EPC1: variants seen among roughly 807,000 people sequenced by gnomAD.
EPC1 encodes the protein enhancer of polycomb homolog 1.
Under a neutral mutation model 98.4 loss-of-function variants are expected in EPC1, and 12 were observed. The observed-to-expected ratio is 0.12, with a 90% confidence interval of 0.08 to 0.20. EPC1 has a LOEUF of 0.20. Among genes scored for constraint, EPC1 ranks in the 10% least tolerant of loss-of-function variants. The probability of loss-of-function intolerance (pLI) is 1.00; values close to 1 mark genes in which losing one functional copy is unlikely to be tolerated. For synonymous variants in EPC1, 357 were observed against 363.9 expected (o/e 0.98, Z 0.21); for missense variants, 729 against 990.5 (o/e 0.74, Z 3.54).
chr10:32,347,741 C>G (rs1008948390), upstream of EPC1, among the ~76,000 whole-genome samples: 1 of 152,232 alleles, frequency 6.6e-6, no homozygotes, highest in Non-Finnish European at 1.5e-5. Flanking sequence ...AAAATACAAA[C>G]TGAATTAGGG....
rs767369053 is a variant in EPC1 at position 32,287,255 on chromosome 10, A to G, written c.995T>C (p.Ile332Thr). The G allele has an allele frequency of 2.5e-6, 4 of 1,613,966 alleles. No homozygotes were observed. Among genetic ancestry groups the G allele is most frequent in the African/African-American group, 1.3e-5 (1 of 74,908 alleles). ...CTTTTCATATTTCCGTTTCGGTCGG[A>G]TAAGATCGGCTTTATCTTGCTGCAA... ...KVNKQDKADL[I>T]RPKRKYEKKP... Residue 332 changes from isoleucine to threonine, a missense_variant, in exon 7 of 14, where the codon ATC (isoleucine) becomes ACC (threonine). Physicochemically the swap from Ile to Thr is moderately conservative, Grantham distance 89 (BLOSUM62 -1). This residue lies in a region of EPC1 where 390 missense variants were observed against 438.6 expected (regional missense o/e 0.89). Coordinates refer to ENST00000319778, the MANE Select transcript of EPC1 (RefSeq NM_001272004.3).
intron 2 of EPC1, among the ~76,000 whole-genome samples, chr10:32,304,660 C>T (rs1285681525): frequency 1.3e-5 from 2 of 152,106 alleles, no homozygotes; most frequent in Admixed American, 6.5e-5. Flanking sequence ...TGGCTCATGC[C>T]TGTAATCCCA....
chr10:32,343,699 G>GGT (rs1554824226), intron 1 of EPC1, among the ~76,000 whole-genome samples: 1 of 150,832 alleles, frequency 6.6e-6, no homozygotes. Flanking sequence ...TATTTTGGGG[G>GGT]GGGGGTGTAA....
In EPC1 at chr10:32,323,138, TA is replaced by T. The variant is rs1837035317; in HGVS notation, c.154-17208del. 3.3e-5 allele frequency among the ~76,000 whole-genome samples: 5 copies of T among 152,298 alleles called. No homozygotes were observed. In the South Asian group the frequency reaches 1.0e-3, roughly 32 times the overall value. ...TACTATTATGTATCCATAATTTTTTTAAAAAGAGAAGTATATACAATGTACT... is the reference window on the plus strand; with the variant it reads ...TACTATTATGTATCCATAATTTTTTTAAAAGAGAAGTATATACAATGTACT... On this transcript the variant is annotated intron_variant, in intron 1 of 13. Coordinates refer to ENST00000319778, the MANE Select transcript of EPC1 (RefSeq NM_001272004.3).
chr10:32,293,066 T>C lies in EPC1; in HGVS notation c.588A>G (p.Gln196=), dbSNP rs757634561. ...TTGTGCTGGAACCATCTCGCTTCTC[T>C]TGTTTTACTGATGGAATAAGAGATG... is the stretch of plus-strand genomic sequence containing the variant. ...RGPSLIPSVK[Q]EKRDGSSTND... The change falls in exon 4 of 14, where the codon CAA becomes CAG. Residue 196 remains glutamine, a synonymous_variant. Coordinates refer to ENST00000319778, the MANE Select transcript of EPC1 (RefSeq NM_001272004.3). 6.2e-7 allele frequency: 1 copy of C among 1,613,550 alleles called. No homozygotes were observed. Among genetic ancestry groups the C allele is most frequent in the Non-Finnish European group, 8.5e-7 (1 of 1,179,680 alleles).
chr10:32,313,455 T>C (rs1413936995), intron 1 of EPC1, among the ~76,000 whole-genome samples: 2 of 152,172 alleles, frequency 1.3e-5, no homozygotes, highest in Non-Finnish European at 2.9e-5. Flanking sequence ...TACAGTGTAA[T>C]AAAGTACTAT....
At chr10:32,299,051 T>C (rs1171043129) in intron 2 of EPC1, among the ~76,000 whole-genome samples, 3 of 152,366 alleles carry the variant, frequency 2.0e-5, no homozygotes, top group Admixed American at 6.5e-5. Flanking sequence ...GATTCAGCTA[T>C]TGTTAAATTT....
rs1312481261 is a variant in EPC1 at position 32,284,988 on chromosome 10, A to G, written c.1454T>C (p.Met485Thr). 1 of 1,614,230 alleles carries G rather than the reference A, an allele frequency of 6.2e-7. No individual in the cohort carries two copies. The highest frequency in any genetic ancestry group is 1.1e-5 in the South Asian group (1 of 91,088). The part of the protein sequence containing the change: ...DSVFHHLDLE[M>T]LSSPQHSPVN... The stretch of plus-strand genomic sequence containing the variant: ...TGGAGAATGTTGTGGTGAGGAAAGC[A>G]TTTCCAAATCCAGATGGTGAAACAC... The change falls in exon 10 of 14, where the codon ATG (methionine) becomes ACG (threonine). Residue 485 changes from methionine to threonine, a missense_variant. Transcript: ENST00000319778.
At position 32,314,532 on chromosome 10, in the gene EPC1, T is replaced by C. The variant is rs560142008; in HGVS notation, c.154-8601A>G. Among the ~76,000 whole-genome samples, 138 of 152,330 alleles carry C rather than the reference T, an allele frequency of 9.1e-4. 1 individual carries two copies. Among genetic ancestry groups the C allele is most frequent in the African/African-American group, 3.2e-3 (135 of 41,576 alleles). ...ATGTATTTTTATTATTTGCAAAATA[T>C]ATTTTCCTTACCCATCTCCCTCTCT... On this transcript the variant is annotated intron_variant, in intron 1 of 13. Transcript: ENST00000319778.
intron 9 of EPC1, 85 bp from the exon 10 acceptor site, chr10:32,285,135 T>C (rs1836613513): frequency 9.4e-7 from 1 of 1,061,130 alleles, no homozygotes; most frequent in Non-Finnish European, 1.3e-6. Context: ...TACCCCCAAC[T>C]GCCAAAAGGC....
chr10:32,276,475 G>A (rs1836103278), intron 10 of EPC1, among the ~76,000 whole-genome samples: 1 of 152,226 alleles, frequency 6.6e-6, no homozygotes, highest in Non-Finnish European at 1.5e-5. Context: ...CCGCACCACT[G>A]CACTCTGGCC....
chr10:32,276,460 C>T (rs1051266079), intron 10 of EPC1, among the ~76,000 whole-genome samples: 3 of 152,130 alleles, frequency 2.0e-5, no homozygotes, highest in African/African-American at 7.2e-5. Flanking sequence ...TGCAGTGAGC[C>T]GAGACCGCAC....
intron 2 of EPC1, among the ~76,000 whole-genome samples, chr10:32,300,278 G>A (rs1440425708): frequency 6.6e-6 from 1 of 151,864 alleles, no homozygotes; most frequent in African/African-American, 2.4e-5. Flanking sequence ...AAGTTCTAGG[G>A]TACATGTGCA....
At chr10:32,309,617 A>T (rs1836086652) in intron 1 of EPC1, among the ~76,000 whole-genome samples, 2 of 151,056 alleles carry the variant, frequency 1.3e-5, no homozygotes, top group Non-Finnish European at 1.5e-5. Flanking sequence ...GCACTTTGGG[A>T]GGCCAAGGCA....
upstream of EPC1, chr10:32,347,324 G>A (rs1049009523): frequency 6.2e-6 from 3 of 485,958 alleles, no homozygotes; most frequent in African/African-American, 4.2e-5. Flanking sequence ...CGCTGCTCCG[G>A]GCCCCCGCCC....
At chr10:32,327,062 GACACACACAC>G (rs57395657) in intron 1 of EPC1, among the ~76,000 whole-genome samples, 4 of 142,266 alleles carry the variant, frequency 2.8e-5, no homozygotes, top group Admixed American at 1.4e-4. Flanking sequence ...AAAATGTGGT[GACACACACAC>G]ACACACACAC....
intron 1 of EPC1, among the ~76,000 whole-genome samples, chr10:32,365,873 CATGTA>C (rs1186532724): frequency 7.6e-5 from 8 of 104,704 alleles, no homozygotes. Context: ...ATGGCTCAAA[CATGTA>C]ATCCCAGCGC....
intron 1 of EPC1, among the ~76,000 whole-genome samples, chr10:32,363,596 G>C (rs1261598791): frequency 6.6e-6 from 1 of 152,160 alleles, no homozygotes; most frequent in Non-Finnish European, 1.5e-5. Flanking sequence ...TTTTAAAAAA[G>C]TGTTCCTTCT....
intron 1 of EPC1, among the ~76,000 whole-genome samples, chr10:32,368,292 T>A (rs1199086995): frequency 2.0e-5 from 3 of 152,224 alleles, no homozygotes; most frequent in Non-Finnish European, 4.4e-5. Flanking sequence ...CCTGTGTTAG[T>A]CCAAGCTACT....
Sources: gnomAD v4.1 joint callset for allele counts (sites outside exome capture counted in the v4.1 genomes callset) on GRCh38, gnomAD v4.1.1 for gene constraint, gnomAD v4.1.1 regional missense constraint, MANE v1.5 for transcripts, NCBI Gene and HGNC (gene_info 2026-07-23, HGNC 2026-07-21) for gene names.